The following SPRING1 variants were observed in gnomAD, a reference collection of about 807,000 sequenced individuals.
The protein encoded by SPRING1 is SREBP regulating gene protein.
In SPRING1, 14 loss-of-function variants were observed where a neutral mutation model predicts 24.7. The observed-to-expected ratio is 0.57, with a 90% CI of 0.37 to 0.88. SPRING1 has a LOEUF of 0.88. SPRING1 is among the 40% of genes least tolerant of loss of function. The pLI is 0.00. For synonymous variants in SPRING1, 93 were observed against 106.1 expected (o/e 0.88, Z 0.76); for missense variants, 255 against 268.4 (o/e 0.95, Z 0.35).
chr12:116,735,733 A>G (rs558906666), intron 1 of SPRING1, among the ~76,000 whole-genome samples: 33 of 145,836 alleles, frequency 2.3e-4, no homozygotes, highest in African/African-American at 8.4e-4. Context: ...ACTCCATGTT[A>G]AAAAAGGTTA....
At position 116,737,797 on chromosome 12, in the gene SPRING1, A is replaced by T. The variant is rs1337074277; in HGVS notation, c.104T>A (p.Phe35Tyr). The change falls in exon 1 of 5, where the codon TTC (phenylalanine) becomes TAC (tyrosine). Residue 35 changes from phenylalanine to tyrosine, a missense_variant. By Grantham distance (22) the Phe-to-Tyr change is conservative. Coordinates refer to ENST00000261318, the MANE Select transcript of SPRING1 (RefSeq NM_024738.4). ...LSLVYFLSST[F>Y]KQEERAVRDR... ...GGAAGGGCGGCCACTGACCTGCTTG[A>T]AGGTGCTGCTGAGGAAGTAGACGAG... The T allele has an allele frequency of 2.5e-6, 4 of 1,586,206 alleles. No individual in the cohort carries two copies. Among genetic ancestry groups the T allele is most frequent in the Non-Finnish European group, 3.4e-6 (4 of 1,165,796 alleles).
chr12:116,723,339 AC>A, intron 1 of SPRING1, 116 bp from the exon 2 acceptor site: 1 of 1,238,254 alleles, frequency 8.1e-7, no homozygotes, highest in Non-Finnish European at 1.1e-6. Flanking sequence ...GGCTTACACT[AC>A]CAGAATCTGC....
intron 2 of SPRING1, among the ~76,000 whole-genome samples, chr12:116,722,846 A>G (rs188672633): frequency 1.3e-5 from 2 of 152,346 alleles, no homozygotes; most frequent in Admixed American, 1.3e-4. Flanking sequence ...GTAGGCAGAA[A>G]GAACTTTTAA....
At chr12:116,721,755 T>C (rs1870445667) in intron 2 of SPRING1, among the ~76,000 whole-genome samples, 1 of 152,216 alleles carries the variant, frequency 6.6e-6, no homozygotes, top group Non-Finnish European at 1.5e-5. Flanking sequence ...AAAATTCTGC[T>C]CAAAATAATA....
Position 116,719,743 on chromosome 12 carries a change from G to A in SPRING1, c.534+20C>T, listed in dbSNP as rs748265648. On this transcript the variant is annotated intron_variant, in intron 4 of 4. Coordinates refer to ENST00000261318, the MANE Select transcript of SPRING1 (RefSeq NM_024738.4). Reference sequence around the variant, plus strand: ...CCCGTCAGCTGCCATCCCACAGCTAGAGACATCACAGCTTCTGACCTGAGA... The same window carrying A: ...CCCGTCAGCTGCCATCCCACAGCTAAAGACATCACAGCTTCTGACCTGAGA... 1.3e-6 allele frequency: 2 copies of A among 1,599,228 alleles called. No individual in the cohort carries two copies. Among genetic ancestry groups the A allele is most frequent in the East Asian group, 2.2e-5 (1 of 44,798 alleles).
chr12:116,722,238 AATTG>A (rs1870470968), intron 2 of SPRING1, among the ~76,000 whole-genome samples: 1 of 152,328 alleles, frequency 6.6e-6, no homozygotes, highest in Admixed American at 6.5e-5. Flanking sequence ...GATTTTTATT[AATTG>A]ATTGATTCCT....
In SPRING1 at chr12:116,728,750, G is replaced by A. The variant is rs1206927813; in HGVS notation, c.112-5527C>T. 6.6e-6 allele frequency among the ~76,000 whole-genome samples: 1 copy of A among 152,156 alleles called. No individual in the cohort carries two copies. The highest frequency in any genetic ancestry group is 1.5e-5 in the Non-Finnish European group (1 of 68,042). On this transcript the variant is annotated intron_variant, in intron 1 of 4. Coordinates refer to ENST00000261318, the MANE Select transcript of SPRING1 (RefSeq NM_024738.4). The surrounding 1 kb of genome is among the most constrained non-coding windows in gnomAD (Gnocchi z 4.2). ...TCCATCTCACCATCTCCATTTTACA[G>A]AGGAAGAACCCCAACTCCCTCAAGG...
chr12:116,729,210 T>C (rs1197654866), intron 1 of SPRING1, among the ~76,000 whole-genome samples: 1 of 132,270 alleles, frequency 7.6e-6, no homozygotes, highest in Non-Finnish European at 1.6e-5. Flanking sequence ...TCTGTCACAA[T>C]ATATTGTCTG....
Position 116,711,084 on chromosome 12 carries a change from T to C in SPRING1, c.*6726A>G, listed in dbSNP as rs1372049264. 2.0e-5 allele frequency: 3 copies of C among 151,860 alleles called. No homozygotes were observed. Among genetic ancestry groups the C allele is most frequent in the African/African-American group, 7.3e-5 (3 of 41,336 alleles). The allele number at this position is 151,860 out of a possible 1,614,324, so 9.4% of individuals were successfully genotyped here. A position where few individuals can be genotyped will look rare whatever the true frequency, so the allele number is the denominator to read the frequency against. On this transcript the variant is annotated 3_prime_UTR_variant, in exon 5 of 5. Transcript: ENST00000261318. ...CCTGAGAATATATAATGTCATCACATTTACTATTCAAATTAGCATCAACTG... is the reference window on the plus strand; with the variant it reads ...CCTGAGAATATATAATGTCATCACACTTACTATTCAAATTAGCATCAACTG...
Position 116,716,603 on chromosome 12 carries a change from G to C in SPRING1, c.*1207C>G, listed in dbSNP as rs1382846665. ...TGCATTACAGTAGGAAAAATGGGGA[G>C]TGCTTTATGCCTGTGGATTCAGGAC... On this transcript the variant is annotated 3_prime_UTR_variant, in exon 5 of 5. Transcript: ENST00000261318. 1 of 152,616 alleles carries C rather than the reference G, an allele frequency of 6.6e-6. No homozygotes were observed. Among genetic ancestry groups the C allele is most frequent in the Non-Finnish European group, 1.5e-5 (1 of 68,048 alleles). 9.5% of individuals were successfully genotyped at this position (152,616 alleles called of 1,614,324 possible). A position where few individuals can be genotyped will look rare whatever the true frequency, so the allele number is the denominator to read the frequency against.
At chr12:116,722,160 C>T (rs1030879678) in intron 2 of SPRING1, among the ~76,000 whole-genome samples, 1 of 152,206 alleles carries the variant, frequency 6.6e-6, no homozygotes, top group African/African-American at 2.4e-5. Context: ...TAAGTTCTTA[C>T]ATGCTTTCTT....
At chr12:116,721,565 C>G (rs1413356023) in intron 2 of SPRING1, among the ~76,000 whole-genome samples, 1 of 152,202 alleles carries the variant, frequency 6.6e-6, no homozygotes, top group Non-Finnish European at 1.5e-5. Flanking sequence ...GTTCCAGATA[C>G]TTGGGAATCG....
chr12:116,738,042 G>A lies in SPRING1; in HGVS notation c.-142C>T, dbSNP rs765410491. On this transcript the variant is annotated 5_prime_UTR_variant, in exon 1 of 5. Coordinates refer to ENST00000261318, the MANE Select transcript of SPRING1 (RefSeq NM_024738.4). ...GCCGCCCGCAGCCCAGTCTGCTCCC[G>A]GCAGCCTTGGGCGCAGCCCCACGTG... 1 of 1,091,924 alleles carries A rather than the reference G, an allele frequency of 9.2e-7. No individual in the cohort carries two copies. Among genetic ancestry groups the A allele is most frequent in the Non-Finnish European group, 1.1e-6 (1 of 899,916 alleles). The allele number at this position is 1,091,924 out of a possible 1,614,324, so 67.6% of individuals were successfully genotyped here.
intron 2 of SPRING1, among the ~76,000 whole-genome samples, chr12:116,721,484 A>T (rs1471058896): frequency 6.6e-6 from 1 of 152,256 alleles, no homozygotes; most frequent in Non-Finnish European, 1.5e-5. Context: ...GCACCAGTAG[A>T]ACAACAGTAA....
chr12:116,738,061 C>T lies in SPRING1; in HGVS notation c.-161G>A. ...GCTCCCGGCAGCCTTGGGCGCAGCC[C>T]CACGTGACCCCGCCCTACGCCCCGC... On this transcript the variant is annotated 5_prime_UTR_variant, in exon 1 of 5. Coordinates refer to ENST00000261318, the MANE Select transcript of SPRING1 (RefSeq NM_024738.4). 7 of 1,079,274 alleles carry T rather than the reference C, an allele frequency of 6.5e-6. No individual in the cohort carries two copies. Among genetic ancestry groups the T allele is most frequent in the Non-Finnish European group, 7.8e-6 (7 of 892,290 alleles). 66.9% of individuals were successfully genotyped at this position (1,079,274 alleles called of 1,614,324 possible). A position where few individuals can be genotyped will look rare whatever the true frequency, so the allele number is the denominator to read the frequency against.
At chr12:116,719,646 G>A (rs745784489) in intron 4 of SPRING1, 117 bp downstream of exon 4, 11 of 762,890 alleles carry the variant, frequency 1.4e-5, no homozygotes, top group South Asian at 7.0e-5. Flanking sequence ...AGCGTGACAC[G>A]GCTTCGAGTC....
chr12:116,722,234 T>C (rs1870470586), intron 2 of SPRING1, among the ~76,000 whole-genome samples: 1 of 152,222 alleles, frequency 6.6e-6, no homozygotes, highest in African/African-American at 2.4e-5. Flanking sequence ...CTTGGATTTT[T>C]ATTAATTGAT....
rs775306269 is a variant in SPRING1 at position 116,720,473 on chromosome 12, A to G, written c.269-26T>C. The G allele has an allele frequency of 2.0e-5, 33 of 1,611,530 alleles. No individual in the cohort carries two copies. In the African/African-American group the frequency reaches 4.4e-4, roughly 22 times the overall value. Reference sequence around the variant, plus strand: ...CTGAAAGTCAGAGACCAACCTTAGCATAAAACCAGCAGCCTTGCCACCTCC... The same window carrying G: ...CTGAAAGTCAGAGACCAACCTTAGCGTAAAACCAGCAGCCTTGCCACCTCC... On this transcript the variant is annotated intron_variant, in intron 2 of 4. Coordinates refer to ENST00000261318, the MANE Select transcript of SPRING1 (RefSeq NM_024738.4). The surrounding 1 kb of genome is among the most constrained non-coding windows in gnomAD (Gnocchi z 4.0).
chr12:116,737,705 T>C, intron 1 of SPRING1, 85 bp downstream of exon 1: 1 of 1,278,584 alleles, frequency 7.8e-7, no homozygotes, highest in Non-Finnish European at 1.0e-6. Context: ...AGGAGGAAGG[T>C]AACGAAGGAA....
Sources: allele counts gnomAD v4.1 joint callset (sites outside exome capture counted in the v4.1 genomes callset), GRCh38; gene constraint gnomAD v4.1.1; non-coding constraint Gnocchi (gnomAD v3.1); transcripts MANE v1.5; gene names NCBI Gene and HGNC (gene_info 2026-07-23, HGNC 2026-07-21).